Variants in BICD1 observed in about 807,000 individuals in gnomAD.
The protein encoded by BICD1 is BICD cargo adaptor 1, also known as protein bicaudal D homolog 1.
In BICD1, 35 loss-of-function variants were observed where a neutral mutation model predicts 92.5. The observed-to-expected ratio is 0.38, with a 90% CI of 0.29 to 0.50. The LOEUF (loss-of-function observed/expected upper bound fraction) is 0.50. Ranked by LOEUF, BICD1 falls within the 20% of genes least tolerant of loss-of-function variation. The pLI is 0.93. For missense variants in BICD1, 950 were observed against 1,189.8 expected (o/e 0.80, Z 2.97); for synonymous variants, 429 against 465.1 (o/e 0.92, Z 1.00).
chr12:32,233,621 T>G (rs895898839), intron 2 of BICD1, among the ~76,000 whole-genome samples: 1 of 141,518 alleles, frequency 7.1e-6, no homozygotes, highest in African/African-American at 2.5e-5. Context: ...TCTCGGACCA[T>G]AAGAATAAAG....
chr12:32,318,660 G>C (rs189050864), intron 4 of BICD1, among the ~76,000 whole-genome samples: 1 of 152,254 alleles, frequency 6.6e-6, no homozygotes, highest in East Asian at 1.9e-4. Flanking sequence ...TTTGAGACCA[G>C]CCTGACCAAC....
In BICD1 at chr12:32,283,658, G is replaced by A. The variant is rs553811021; in HGVS notation, c.427-10336G>A. Among the ~76,000 whole-genome samples, 307 of 152,306 alleles carry A rather than the reference G, an allele frequency of 2.0e-3. 1 individual carries two copies. The highest frequency in any genetic ancestry group is 7.2e-3 in the African/African-American group (300 of 41,548). On this transcript the variant is annotated intron_variant, in intron 2 of 9. Coordinates refer to ENST00000652176, the MANE Select transcript of BICD1 (RefSeq NM_001714.4). The stretch of plus-strand genomic sequence containing the variant: ...GGAAACGTTGATGAGGTGGAAGAGC[G>A]AGTGGTTTGATTGGAAGAAGTGCAG...
At chr12:32,369,954 G>C (rs1405484210) in intron 9 of BICD1, among the ~76,000 whole-genome samples, 1 of 152,190 alleles carries the variant, frequency 6.6e-6, no homozygotes, top group East Asian at 1.9e-4. Context: ...AAAATAGGTT[G>C]CTAGCCAGCA....
At chr12:32,118,463 T>C (rs1662836487) in intron 1 of BICD1, among the ~76,000 whole-genome samples, 1 of 152,162 alleles carries the variant, frequency 6.6e-6, no homozygotes, top group Non-Finnish European at 1.5e-5. Flanking sequence ...TCTGCATCCT[T>C]GGATTGAAAA....
At chr12:32,112,619 G>A (rs751650346) in intron 1 of BICD1, among the ~76,000 whole-genome samples, 4 of 152,272 alleles carry the variant, frequency 2.6e-5, no homozygotes, top group Admixed American at 1.3e-4. Flanking sequence ...TTGAGGAGAG[G>A]AGGGCATGAA....
At chr12:32,278,617 G>T (rs866449175) in intron 2 of BICD1, among the ~76,000 whole-genome samples, 2 of 152,186 alleles carry the variant, frequency 1.3e-5, no homozygotes, top group Admixed American at 6.5e-5. Flanking sequence ...ACTTTCGGAG[G>T]CCGCGGCCGG....
intron 7 of BICD1, chr12:32,338,159 T>C (rs1369822142): frequency 4.3e-6 from 1 of 233,990 alleles, no homozygotes; most frequent in Non-Finnish European, 8.5e-6. Context: ...ATATTAAGAA[T>C]GAAGCTGTGT....
At chr12:32,191,900 C>T (rs1334324974) in intron 1 of BICD1, among the ~76,000 whole-genome samples, 3 of 151,844 alleles carry the variant, frequency 2.0e-5, no homozygotes, top group Non-Finnish European at 4.4e-5. Flanking sequence ...CTCCCTATTC[C>T]CTGAGACACA....
intron 1 of BICD1, among the ~76,000 whole-genome samples, chr12:32,210,118 CAG>C (rs1446559478): frequency 1.3e-5 from 2 of 151,908 alleles, no homozygotes; most frequent in Non-Finnish European, 2.9e-5. Context: ...CTCTGGATCA[CAG>C]AGTTTTTTTT....
chr12:32,132,341 G>C (rs1160581802), intron 1 of BICD1, among the ~76,000 whole-genome samples: 1 of 151,644 alleles, frequency 6.6e-6, no homozygotes, highest in Non-Finnish European at 1.5e-5. Context: ...GCTTGAACCC[G>C]GGAGGCGGAG....
In BICD1 at chr12:32,327,681, A is replaced by C. The variant is rs781426726; in HGVS notation, c.1226A>C (p.Asp409Ala). 13 of 1,614,060 alleles carry C rather than the reference A, an allele frequency of 8.1e-6. No homozygotes were observed. The highest frequency in any genetic ancestry group is 1.1e-5 in the Non-Finnish European group (13 of 1,180,032). The change falls in exon 5 of 10, where the codon GAC becomes GCC. Residue 409 changes from aspartate to alanine, a missense_variant. Physicochemically the swap from Asp to Ala is moderately radical, Grantham distance 126 (BLOSUM62 -2). This residue lies in a region of BICD1 where 246 missense variants were observed against 258.4 expected (regional missense o/e 0.95). Transcript: ENST00000652176. Reference sequence around the variant, plus strand: ...GAGGAGGCCCATGACTATGAGGTGGACATCAATGGTTTAGAGATCCTTGAA... The same window carrying C: ...GAGGAGGCCCATGACTATGAGGTGGCCATCAATGGTTTAGAGATCCTTGAA... ...SGEEAHDYEVDINGLEILECK... is the reference protein window; with the variant it reads ...SGEEAHDYEVAINGLEILECK...
intron 2 of BICD1, among the ~76,000 whole-genome samples, chr12:32,274,163 T>A (rs1202793247): frequency 4.6e-5 from 7 of 152,282 alleles, no homozygotes; most frequent in African/African-American, 1.7e-4. Context: ...TAGAAAAAAA[T>A]TGATCACATT....
chr12:32,230,769 G>A (rs1202214962), intron 2 of BICD1, among the ~76,000 whole-genome samples: 1 of 152,180 alleles, frequency 6.6e-6, no homozygotes, highest in Non-Finnish European at 1.5e-5. Context: ...CAGGCCCAGT[G>A]GCATGGGAGT....
chr12:32,289,131 G>T (rs1947657923), intron 2 of BICD1, among the ~76,000 whole-genome samples: 1 of 152,154 alleles, frequency 6.6e-6, no homozygotes, highest in South Asian at 2.1e-4. Flanking sequence ...CAGAGCCAAA[G>T]ATTGAGGGGC....
Position 32,328,560 on chromosome 12 carries a change from T to A in BICD1, c.2100+5T>A. The A allele has an allele frequency of 6.2e-7, 1 of 1,607,468 alleles. No homozygotes were observed. The highest frequency in any genetic ancestry group is 8.5e-7 in the Non-Finnish European group (1 of 1,175,506). On this transcript the variant is annotated splice_donor_5th_base_variant and intron_variant, in intron 5 of 9. Coordinates refer to ENST00000652176, the MANE Select transcript of BICD1 (RefSeq NM_001714.4). The surrounding 1 kb of genome is among the most constrained non-coding windows in gnomAD (Gnocchi z 4.4). The stretch of plus-strand genomic sequence containing the variant: ...GTGTTGAAAGCCAACAAGCAGGTAA[T>A]CTCATTCTACTGGTGAAAGCATGCC...
intron 3 of BICD1, among the ~76,000 whole-genome samples, chr12:32,303,231 C>T (rs1166563294): frequency 1.3e-5 from 2 of 151,950 alleles, no homozygotes; most frequent in Admixed American, 6.6e-5. Context: ...CCTGAGCCAC[C>T]GTGCCCAGTC....
chr12:32,211,786 G>A (rs975357843), intron 1 of BICD1, among the ~76,000 whole-genome samples: 3 of 152,072 alleles, frequency 2.0e-5, no homozygotes, highest in Non-Finnish European at 4.4e-5. Flanking sequence ...ACTATATAGT[G>A]AGGGATCCTT....
intron 3 of BICD1, among the ~76,000 whole-genome samples, chr12:32,303,784 A>G (rs12317439): frequency 0.17 from 25,586 of 152,032 alleles, 2,734 homozygotes; most frequent in African/African-American, 0.3. Flanking sequence ...ACATAAGAGA[A>G]AAACCTCTGG....
intron 1 of BICD1, among the ~76,000 whole-genome samples, chr12:32,149,496 G>C (rs1175018904): frequency 3.3e-5 from 5 of 152,186 alleles, no homozygotes; most frequent in Non-Finnish European, 2.9e-5. Flanking sequence ...AAATTTGTAT[G>C]CTATGTCAAA....
Sources: allele counts gnomAD v4.1 joint callset (sites outside exome capture counted in the v4.1 genomes callset), GRCh38; gene constraint gnomAD v4.1.1; regional missense constraint gnomAD v4.1.1; non-coding constraint Gnocchi (gnomAD v3.1); transcripts MANE v1.5; gene names NCBI Gene and HGNC (gene_info 2026-07-23, HGNC 2026-07-21).